KAZN: variants seen among roughly 807,000 people sequenced by gnomAD.
KAZN encodes kazrin, periplakin interacting protein, also known as kazrin.
In KAZN, 40 loss-of-function variants were observed where a neutral mutation model predicts 87.4. The ratio of observed to expected loss-of-function variants is 0.46; its 90% CI spans 0.36 to 0.60. The LOEUF is 0.60. KAZN is among the 20% of genes least tolerant of loss of function. The pLI is 0.00. For missense variants in KAZN, 898 were observed against 1,073.9 expected (o/e 0.84, Z 2.29); for synonymous variants, 466 against 458.3 (o/e 1.02, Z -0.22).
intron 1 of KAZN, among the ~76,000 whole-genome samples, chr1:13,962,249 AG>A (rs1375016330): frequency 2.6e-5 from 4 of 151,926 alleles, no homozygotes; most frequent in African/African-American, 7.3e-5. Context: ...CAGGTGCAGT[AG>A]GGGGGTCGGG....
chr1:15,095,124 C>G (rs2100686172), intron 10 of KAZN, among the ~76,000 whole-genome samples, 191 bp downstream of exon 10: 1 of 152,232 alleles, frequency 6.6e-6, no homozygotes, highest in Admixed American at 6.5e-5. Context: ...TCTGGGCCAG[C>G]CCCCTCCGTA....
intron 2 of KAZN, among the ~76,000 whole-genome samples, chr1:14,587,838 C>T (rs780850517): frequency 1.3e-5 from 2 of 152,142 alleles, no homozygotes; most frequent in Non-Finnish European, 2.9e-5. Context: ...ATATCATTCC[C>T]CTTCTACGCA....
intron 1 of KAZN, among the ~76,000 whole-genome samples, chr1:14,608,079 G>C (rs1677509276): frequency 6.6e-6 from 1 of 152,206 alleles, no homozygotes; most frequent in Non-Finnish European, 1.5e-5. Context: ...CAGGGGATTA[G>C]AACACAGGTT....
intron 1 of KAZN, chr1:14,924,350 C>T (rs1658895631): frequency 9.1e-6 from 9 of 988,390 alleles, no homozygotes; most frequent in Non-Finnish European, 1.1e-5. Context: ...GGTAGCGTCC[C>T]CCCGGGCACC....
chr1:14,348,008 C>T (rs1370993998), intron 2 of KAZN, among the ~76,000 whole-genome samples: 2 of 150,520 alleles, frequency 1.3e-5, no homozygotes, highest in African/African-American at 2.4e-5. Flanking sequence ...ACCTCAGCCT[C>T]CTGAGAGCTG....
chr1:14,051,371 C>T (rs570394439), intron 1 of KAZN, among the ~76,000 whole-genome samples: 57 of 152,210 alleles, frequency 3.7e-4, no homozygotes, highest in African/African-American at 1.3e-3. Context: ...GGAGCCTGTC[C>T]AAAGCTTGGT....
intron 2 of KAZN, among the ~76,000 whole-genome samples, chr1:14,231,497 A>C (rs1314323752): frequency 6.6e-6 from 1 of 152,206 alleles, no homozygotes; most frequent in African/African-American, 2.4e-5. Flanking sequence ...AGGGATGTCA[A>C]ATGGTGTGTT....
At chr1:14,148,296 C>T (rs978188416) in intron 1 of KAZN, among the ~76,000 whole-genome samples, 25 of 152,140 alleles carry the variant, frequency 1.6e-4, no homozygotes, top group African/African-American at 6.0e-4. Flanking sequence ...TCCTCTCATC[C>T]CTGTTCTCTT....
At chr1:14,970,947 A>G (rs2101835179) in intron 2 of KAZN, among the ~76,000 whole-genome samples, 1 of 152,330 alleles carries the variant, frequency 6.6e-6, no homozygotes, top group Admixed American at 6.5e-5. Flanking sequence ...TTGGAGTGAT[A>G]ATCATTTCGG....
chr1:14,904,376 G>C (rs972373331), intron 1 of KAZN, among the ~76,000 whole-genome samples: 2 of 150,954 alleles, frequency 1.3e-5, no homozygotes, highest in African/African-American at 4.9e-5. Context: ...GGAGACCAAC[G>C]CCTATAAAAA....
intron 2 of KAZN, among the ~76,000 whole-genome samples, chr1:14,431,098 G>A (rs573937166): frequency 6.6e-6 from 1 of 152,244 alleles, no homozygotes; most frequent in South Asian, 2.1e-4. Context: ...TTAATGAATG[G>A]GTGACCAAAT....
At chr1:14,117,613 G>T (rs1045120060) in intron 1 of KAZN, among the ~76,000 whole-genome samples, 1 of 152,098 alleles carries the variant, frequency 6.6e-6, no homozygotes, top group Non-Finnish European at 1.5e-5. Context: ...AAATCAGGGG[G>T]TGGGGAGGTA....
intron 2 of KAZN, among the ~76,000 whole-genome samples, chr1:14,440,993 T>A (rs897840064): frequency 7.9e-5 from 12 of 152,112 alleles, no homozygotes; most frequent in African/African-American, 2.9e-4. Context: ...CTAGCACTGA[T>A]CATATGCAGG....
At chr1:13,942,593 A>G (rs1200880978) in intron 1 of KAZN, among the ~76,000 whole-genome samples, 1 of 151,186 alleles carries the variant, frequency 6.6e-6, no homozygotes, top group Admixed American at 6.6e-5. Flanking sequence ...TAATTCACCA[A>G]CACCTCAAAT....
intron 14 of KAZN, 46 bp downstream of exon 14, chr1:15,112,587 A>AAGGTCTTTTTTTTCTTCTCCCAGCAGC: frequency 3.1e-6 from 4 of 1,293,608 alleles, no homozygotes; most frequent in African/African-American, 1.5e-5. Context: ...AGACCCGGGA[A>AAGGTCTTTTTTTTCTTCTCCCAGCAGC]AGGTCTTTTT....
intron 4 of KAZN, among the ~76,000 whole-genome samples, chr1:15,051,190 C>T (rs1674365883): frequency 6.6e-6 from 1 of 152,240 alleles, no homozygotes; most frequent in Non-Finnish European, 1.5e-5. Flanking sequence ...GCTGAAGGAC[C>T]TGGTAGAGGA....
At chr1:14,915,670 G>A (rs1657731740) in intron 1 of KAZN, among the ~76,000 whole-genome samples, 1 of 152,218 alleles carries the variant, frequency 6.6e-6, no homozygotes, top group African/African-American at 2.4e-5. Flanking sequence ...AACCCCTGAT[G>A]TGGGAGGCAG....
chr1:14,827,903 G>A (rs1407416041), intron 1 of KAZN, among the ~76,000 whole-genome samples: 2 of 152,192 alleles, frequency 1.3e-5, no homozygotes, highest in African/African-American at 4.8e-5. Context: ...AAATAGACTG[G>A]GGTTTCTTTT....
intron 1 of KAZN, among the ~76,000 whole-genome samples, chr1:13,947,868 C>A (rs183641690): frequency 5.3e-5 from 8 of 152,258 alleles, no homozygotes; most frequent in Admixed American, 3.9e-4. Context: ...ATCCTCAGGA[C>A]CTCATTTCAA....
Sources: gnomAD v4.1 joint callset for allele counts (sites outside exome capture counted in the v4.1 genomes callset) on GRCh38, gnomAD v4.1.1 for gene constraint, MANE v1.5 for transcripts, NCBI Gene and HGNC (gene_info 2026-07-23, HGNC 2026-07-21) for gene names.